EPSTI1: variants seen among roughly 807,000 people sequenced by gnomAD.
The protein encoded by EPSTI1 is epithelial stromal interaction 1, also known as epithelial-stromal interaction protein 1.
A neutral mutation model predicts 49.9 loss-of-function variants in EPSTI1; 66 were observed. That is an observed-to-expected ratio of 1.32 (90% CI 1.08 to 1.62). The LOEUF is 1.62. EPSTI1 is among the 40% of genes most tolerant of loss of function. The pLI is 0.00. For synonymous variants in EPSTI1, 137 were observed against 130.7 expected, an observed-to-expected ratio of 1.05 and a Z score of -0.33; for missense variants, 394 against 365.5, an observed-to-expected ratio of 1.08 and a Z score of -0.64.
chr13:42,916,648 GTTAA>G (rs2037839747), intron 8 of EPSTI1, among the ~76,000 whole-genome samples: 1 of 152,142 alleles, frequency 6.6e-6, no homozygotes, highest in Non-Finnish European at 1.5e-5. Flanking sequence ...TAGAATTCTA[GTTAA>G]TTATAGAACT....
intron 5 of EPSTI1, among the ~76,000 whole-genome samples, chr13:42,955,912 G>A (rs571987155): frequency 8.0e-5 from 12 of 149,290 alleles, no homozygotes; most frequent in African/African-American, 2.7e-4. Flanking sequence ...TAGTATTTCT[G>A]GAGTAGTTGA....
intron 6 of EPSTI1, among the ~76,000 whole-genome samples, chr13:42,935,283 C>T (rs907221317): frequency 7.9e-5 from 12 of 152,192 alleles, no homozygotes; most frequent in Non-Finnish European, 1.3e-4. Flanking sequence ...TTAATTCTTG[C>T]GCAGCTTAGA....
chr13:42,976,874 A>G (rs909165389), intron 1 of EPSTI1, among the ~76,000 whole-genome samples: 4 of 152,252 alleles, frequency 2.6e-5, no homozygotes, highest in Non-Finnish European at 5.9e-5. Flanking sequence ...TGCTCTATAC[A>G]TATTATTACA....
Position 42,900,377 on chromosome 13 carries a change from A to G in EPSTI1, c.748T>C (p.Leu250=). The change falls in exon 9 of 11, where the codon TTA becomes CTA. Residue 250 remains leucine (L), a synonymous_variant. Transcript: ENST00000313624. ...MKDEQHQKSE[L]LELKRQQQEQ... ...TGCTGCTGCCGTTTCAGTTCCAGTA[A>G]TTCACTCTAGGAACAATAAAAGTTT... 1 of 1,613,544 alleles carries G rather than the reference A, an allele frequency of 6.2e-7. No homozygotes were observed. Among genetic ancestry groups the G allele is most frequent in the Non-Finnish European group, 8.5e-7 (1 of 1,179,664 alleles).
At chr13:42,988,261 A>G (rs74993618) in intron 1 of EPSTI1, among the ~76,000 whole-genome samples, 1 of 152,328 alleles carries the variant, frequency 6.6e-6, no homozygotes, top group African/African-American at 2.4e-5. Flanking sequence ...GCAGAATATT[A>G]AAAGGAAGGA....
intron 6 of EPSTI1, among the ~76,000 whole-genome samples, chr13:42,931,538 C>T (rs1168115666): frequency 6.6e-6 from 1 of 152,226 alleles, no homozygotes; most frequent in Non-Finnish European, 1.5e-5. Context: ...GGGGCGAAAG[C>T]TAACCTGACT....
rs145336026 is a variant in EPSTI1, at chr13:42,974,315, G to C, written c.189-3645C>G. On this transcript the variant is annotated intron_variant, in intron 1 of 10. Coordinates refer to ENST00000313624, the MANE Select transcript of EPSTI1 (RefSeq NM_033255.5). ...CATGCCACTGCACTCCAGCCTGGCCGATAACAGTGAAACTCTGTCTCAAAA... is the reference window on the plus strand; with the variant it reads ...CATGCCACTGCACTCCAGCCTGGCCCATAACAGTGAAACTCTGTCTCAAAA... Among the ~76,000 whole-genome samples, 516 of 150,234 alleles carry C rather than the reference G, an allele frequency of 3.4e-3. 4 individuals carry two copies. Among genetic ancestry groups the C allele is most frequent in the African/African-American group, 0.012 (491 of 40,836 alleles).
chr13:42,927,904 T>G (rs775871722), intron 6 of EPSTI1, among the ~76,000 whole-genome samples: 3 of 152,214 alleles, frequency 2.0e-5, no homozygotes, highest in Admixed American at 1.3e-4. Context: ...GGATGAGATC[T>G]CTGAATATCC....
chr13:42,983,322 T>G (rs1029804654), intron 1 of EPSTI1, among the ~76,000 whole-genome samples: 1 of 152,120 alleles, frequency 6.6e-6, no homozygotes, highest in African/African-American at 2.4e-5. Context: ...TCTCAGCACT[T>G]TGGGAGGCCA....
chr13:42,908,480 T>C (rs1301839287), intron 8 of EPSTI1, among the ~76,000 whole-genome samples: 2 of 113,200 alleles, frequency 1.8e-5, no homozygotes, highest in South Asian at 2.7e-4. Context: ...AGAGACTCTG[T>C]TATGAAAAAA....
In EPSTI1 at chr13:42,926,390, C is replaced by T. The variant is rs540963313; in HGVS notation, c.603G>A (p.Ser201=). 1.5e-5 allele frequency: 24 copies of T among 1,613,800 alleles called. No homozygotes were observed. In the South Asian group the frequency reaches 1.6e-4, roughly 11 times the overall value. Residue 201 remains serine, a synonymous_variant, in exon 7 of 11, where the codon TCG becomes TCA. Transcript: ENST00000313624. ...CACTTTGACAGGCACTTCTGTCTGGCGATTCTGTGTTCAGTTTGCTCAAGA... is the reference window on the plus strand; with the variant it reads ...CACTTTGACAGGCACTTCTGTCTGGTGATTCTGTGTTCAGTTTGCTCAAGA... ...AEFLSKLNTE[S]PDRSACQSAV...
At chr13:42,958,257 G>C (rs531676800) in intron 5 of EPSTI1, among the ~76,000 whole-genome samples, 1 of 152,038 alleles carries the variant, frequency 6.6e-6, no homozygotes, top group Non-Finnish European at 1.5e-5. Context: ...TTTTTAAATA[G>C]AGATTCTTTG....
intron 8 of EPSTI1, among the ~76,000 whole-genome samples, chr13:42,912,491 C>T (rs2037716205): frequency 6.6e-6 from 1 of 152,282 alleles, no homozygotes; most frequent in African/African-American, 2.4e-5. Flanking sequence ...CAAGCTCCTA[C>T]ATACCTCATT....
intron 1 of EPSTI1, among the ~76,000 whole-genome samples, chr13:42,989,567 C>CTTTTTTTTTTTTTTTTTTTTTTTTTTTT: frequency 5.1e-4 from 40 of 78,998 alleles, no homozygotes; most frequent in Non-Finnish European, 7.2e-4. Context: ...CCTCTTTTTT[C>CTTTTTTTTTTTTTTTTTTTTTTTTTTTT]TTTTTTTTTT....
At chr13:42,894,649 CTTA>C (rs1489728437) in intron 10 of EPSTI1, among the ~76,000 whole-genome samples, 11 of 141,514 alleles carry the variant, frequency 7.8e-5, no homozygotes, top group African/African-American at 2.9e-4. Context: ...CTAGAGAATG[CTTA>C]TTATTTTTAT....
Position 42,967,819 on chromosome 13 carries a change from T to C in EPSTI1, c.331+1275A>G, listed in dbSNP as rs193040288. On this transcript the variant is annotated intron_variant, in intron 3 of 10. Transcript: ENST00000313624. ...ATTACGAACCCCGAACTCTCTTATC[T>C]CCCTCCACTTCCCCCTTCAATCCCA... Among the ~76,000 whole-genome samples the C allele has an allele frequency of 1.2e-3, 186 of 152,204 alleles. 1 individual carries two copies. Among genetic ancestry groups the C allele is most frequent in the Non-Finnish European group, 1.7e-3 (119 of 68,012 alleles).
intron 1 of EPSTI1, among the ~76,000 whole-genome samples, chr13:42,978,835 A>C (rs987617927): frequency 1.3e-5 from 2 of 152,186 alleles, no homozygotes; most frequent in Non-Finnish European, 2.9e-5. Context: ...AATCACTAGG[A>C]CATCTCCTTT....
At chr13:42,952,259 C>T (rs1416706945) in intron 6 of EPSTI1, among the ~76,000 whole-genome samples, 4 of 152,180 alleles carry the variant, frequency 2.6e-5, no homozygotes, top group African/African-American at 9.7e-5. Flanking sequence ...TTTGTTCTTT[C>T]GCTCTCCACA....
In EPSTI1 at chr13:42,987,607, T is replaced by C. The variant is rs922235004; in HGVS notation, c.188+4371A>G. 1.9e-4 allele frequency among the ~76,000 whole-genome samples: 29 copies of C among 152,092 alleles called. 1 individual carries two copies. The highest frequency in any genetic ancestry group is 2.0e-4 in the Admixed American group (3 of 15,272). ...TTTTTTTAAGCTCATCCACTATGATTAGTGTTAGTGTATTTTGTGTGGGGC... is the reference window on the plus strand; with the variant it reads ...TTTTTTTAAGCTCATCCACTATGATCAGTGTTAGTGTATTTTGTGTGGGGC... On this transcript the variant is annotated intron_variant, in intron 1 of 10. Coordinates refer to ENST00000313624, the MANE Select transcript of EPSTI1 (RefSeq NM_033255.5).
Sources: allele counts gnomAD v4.1 joint callset (sites outside exome capture counted in the v4.1 genomes callset), GRCh38; gene constraint gnomAD v4.1.1; transcripts MANE v1.5; gene names NCBI Gene and HGNC (gene_info 2026-07-23, HGNC 2026-07-21).